Variants in MECR observed in about 807,000 individuals in gnomAD.
MECR encodes the protein mitochondrial trans-2-enoyl-CoA reductase, also known as enoyl-[acyl-carrier-protein] reductase, mitochondrial.
In MECR, 37 loss-of-function variants were observed where a neutral mutation model predicts 49.1. The observed-to-expected ratio is 0.75, with a 90% CI of 0.58 to 0.99. The LOEUF (loss-of-function observed/expected upper bound fraction) is 0.99, where lower values mean the gene tolerates loss of function less well. MECR is among the 50% of genes least tolerant of loss of function. The pLI is 0.00. For missense variants in MECR, 470 were observed against 479.6 expected, an observed-to-expected ratio of 0.98 and a Z score of 0.19; for synonymous variants, 198 against 191.1, an observed-to-expected ratio of 1.04 and a Z score of -0.30.
At chr1:29,211,590 G>A (rs1204856193) in intron 3 of MECR, among the ~76,000 whole-genome samples, 2 of 152,202 alleles carry the variant, frequency 1.3e-5, no homozygotes, top group Non-Finnish European at 2.9e-5. Context: ...TCTCAGTTGA[G>A]TACTGCTGAG....
the MECR span, among the ~76,000 whole-genome samples, chr1:29,179,609 T>C: frequency 7.9e-5 from 12 of 152,288 alleles, no homozygotes; most frequent in Non-Finnish European, 1.3e-4. Flanking sequence ...TCAGCTGGGA[T>C]TGCAGGCACA....
intron 3 of MECR, among the ~76,000 whole-genome samples, chr1:29,213,229 G>A (rs539853709): frequency 2.0e-4 from 31 of 152,218 alleles, no homozygotes; most frequent in Non-Finnish European, 3.2e-4. Flanking sequence ...CACTTAGCAC[G>A]GGGGCTGGCC....
downstream of MECR, among the ~76,000 whole-genome samples, chr1:29,192,307 C>T (rs1367059290): frequency 6.6e-6 from 1 of 152,128 alleles, no homozygotes; most frequent in African/African-American, 2.4e-5. Context: ...GGCTCTCAGG[C>T]CTCTAAACTC....
intron 9 of MECR, 23 bp downstream of exon 9, chr1:29,195,918 T>C (rs1574240455): frequency 1.2e-6 from 2 of 1,613,686 alleles, no homozygotes; most frequent in Non-Finnish European, 1.7e-6. Flanking sequence ...TCTGTGACTC[T>C]TGGCACTGGG....
Position 29,201,488 on chromosome 1 carries a change from T to C in MECR, c.756+455A>G, listed in dbSNP as rs1292309394. Reference sequence around the variant, plus strand: ...TAAACTATATGATTTTGGTTAAGCATTTCCTCTTTTCTGAGTCTTAGTTTC... The same window carrying C: ...TAAACTATATGATTTTGGTTAAGCACTTCCTCTTTTCTGAGTCTTAGTTTC... On this transcript the variant is annotated intron_variant, in intron 6 of 9. Coordinates refer to ENST00000263702, the MANE Select transcript of MECR (RefSeq NM_016011.5). This position sits in a 1 kb window ranked among gnomAD's most constrained non-coding sequence, Gnocchi z 4.3. 4.1e-6 allele frequency: 2 copies of C among 484,284 alleles called. No individual in the cohort carries two copies. Among genetic ancestry groups the C allele is most frequent in the Non-Finnish European group, 8.5e-6 (2 of 234,394 alleles). The allele number at this position is 484,284 out of a possible 1,614,324, so 30.0% of individuals were successfully genotyped here.
rs529127968 is a variant in MECR at position 29,198,899 on chromosome 1, G to A, written c.830+1617C>T. 2.0e-3 allele frequency among the ~76,000 whole-genome samples: 300 copies of A among 152,304 alleles called. 5 individuals carry two copies. Among genetic ancestry groups the A allele is most frequent in the African/African-American group, 6.8e-3 (281 of 41,566 alleles). ...CCCAAAGTGCTAGGTTTACAGGCAT[G>A]AGCCACTGCGCCCGGCCTGGGCCTC... On this transcript the variant is annotated intron_variant, in intron 7 of 9. Coordinates refer to ENST00000263702, the MANE Select transcript of MECR (RefSeq NM_016011.5).
At chr1:29,212,266 A>G (rs1342969926) in intron 3 of MECR, among the ~76,000 whole-genome samples, 1 of 152,138 alleles carries the variant, frequency 6.6e-6, no homozygotes, top group Non-Finnish European at 1.5e-5. Flanking sequence ...TAAAAGTACA[A>G]AAATTAGCCA....
intron 4 of MECR, 59 bp from the exon 5 acceptor site, chr1:29,203,292 G>C (rs1361324609): frequency 1.5e-6 from 2 of 1,357,596 alleles, no homozygotes; most frequent in Non-Finnish European, 2.0e-6. Context: ...TAGGTCAAAG[G>C]CTCCCAGCCG....
chr1:29,178,068 C>G, the MECR span, among the ~76,000 whole-genome samples: 1 of 151,164 alleles, frequency 6.6e-6, no homozygotes, highest in Non-Finnish European at 1.5e-5. Flanking sequence ...CCCAGCTAAT[C>G]TTTGTATTTT....
chr1:29,216,067 A>C lies in MECR; in HGVS notation c.344T>G (p.Val115Gly). ...GNEGVAQVVA[V>G]GSNVTGLKPG... is the part of the protein sequence containing the mutation. ...CTTCAGCCCGGTCACATTGCTGCCC[A>C]CCGCTACCACCTGTGCAACACCTTC... is the stretch of plus-strand genomic sequence containing the variant. Residue 115 changes from valine (V) to glycine (G), a missense_variant, in exon 3 of 10, where the codon GTG (valine) becomes GGG (glycine). Physicochemically the swap from Val to Gly is moderately radical, Grantham distance 109 (BLOSUM62 -3). Coordinates refer to ENST00000263702, the MANE Select transcript of MECR (RefSeq NM_016011.5). The C allele has an allele frequency of 6.2e-7, 1 of 1,614,084 alleles. No homozygotes were observed. The highest frequency in any genetic ancestry group is 1.1e-5 in the South Asian group (1 of 91,078).
chr1:29,223,142 T>TTCA lies in MECR; in HGVS notation c.177-6460_177-6458dup. On this transcript the variant is annotated intron_variant, in intron 1 of 9. Coordinates refer to ENST00000263702, the MANE Select transcript of MECR (RefSeq NM_016011.5). ...ATCTCAAATTGCTTCCCCCATACCGTTCACGTCCTCCGTGAATGTAATGGC... is the reference window on the plus strand; with the variant it reads ...ATCTCAAATTGCTTCCCCCATACCGTTCATCACGTCCTCCGTGAATGTAATGGC... 5.1e-6 allele frequency: 5 copies of TTCA among 985,420 alleles called. No homozygotes were observed. The South Asian group carries it at 2.3e-4, about 46-fold the overall frequency. 61.0% of individuals were successfully genotyped at this position (985,420 alleles called of 1,614,324 possible).
At chr1:29,199,673 G>C (rs1188477451) in intron 7 of MECR, among the ~76,000 whole-genome samples, 1 of 151,854 alleles carries the variant, frequency 6.6e-6, no homozygotes, top group Non-Finnish European at 1.5e-5. Flanking sequence ...GGCTGGAGTA[G>C]AGTGGTGTGA....
At chr1:29,220,064 G>A (rs1680388029) in intron 1 of MECR, among the ~76,000 whole-genome samples, 1 of 152,012 alleles carries the variant, frequency 6.6e-6, no homozygotes, top group East Asian at 1.9e-4. Context: ...GTCTGGGATC[G>A]AACTTTTCTC....
At chr1:29,173,018 A>G in the MECR span, 3 of 152,214 alleles carry the variant, frequency 2.0e-5, no homozygotes, top group Non-Finnish European at 2.9e-5. Context: ...AATTGCACGT[A>G]AAACCTCACC....
Position 29,196,204 on chromosome 1 carries a change from G to C in MECR, c.885C>G (p.Ala295=). 1 of 1,614,194 alleles carries C rather than the reference G, an allele frequency of 6.2e-7. No individual in the cohort carries two copies. Among genetic ancestry groups the C allele is most frequent in the South Asian group, 1.1e-5 (1 of 91,084 alleles). ...YGGMAKQPVV[A]SVSLLIFKDL... ...CCCTCTGCACCCAGCTTACCACAGA[G>C]GCTACGACGGGCTGCTTGGCCATCC... The change falls in exon 8 of 10, where the codon GCC becomes GCG. Residue 295 remains alanine, a synonymous_variant. Transcript: ENST00000263702.
the MECR span, chr1:29,172,098 A>T: frequency 6.6e-6 from 1 of 152,158 alleles, no homozygotes; most frequent in Non-Finnish European, 1.5e-5. Context: ...GGGGAAAAAA[A>T]TAATACACTT....
chr1:29,168,193 T>C, the MECR span, among the ~76,000 whole-genome samples: 2 of 58,718 alleles, frequency 3.4e-5, no homozygotes, highest in African/African-American at 1.9e-4. Flanking sequence ...TTTTTGTAAT[T>C]TTTTTTTTTT....
intron 4 of MECR, among the ~76,000 whole-genome samples, chr1:29,203,887 C>G (rs1260168091): frequency 6.6e-6 from 1 of 152,238 alleles, no homozygotes; most frequent in Non-Finnish European, 1.5e-5. Flanking sequence ...AAACTGGCAG[C>G]CCCTGAAACA....
At chr1:29,169,681 AC>A in the MECR span, 1 of 152,314 alleles carries the variant, frequency 6.6e-6, no homozygotes, top group African/African-American at 2.4e-5. Context: ...CATAAAGTAA[AC>A]CAACTGCTGA....
Sources: allele counts gnomAD v4.1 joint callset (sites outside exome capture counted in the v4.1 genomes callset), GRCh38; gene constraint gnomAD v4.1.1; non-coding constraint Gnocchi (gnomAD v3.1); transcripts MANE v1.5; gene names NCBI Gene and HGNC (gene_info 2026-07-23, HGNC 2026-07-21).